Variants in TTC7A observed in about 807,000 individuals in gnomAD.
TTC7A encodes the protein tetratricopeptide repeat protein 7A.
In TTC7A, 110 loss-of-function variants were observed where a neutral mutation model predicts 103.7. The ratio of observed to expected loss-of-function variants is 1.06; its 90% CI spans 0.91 to 1.24. TTC7A has a LOEUF of 1.24. Among genes scored for constraint, TTC7A ranks in the 50% most tolerant of loss-of-function variants. The pLI is 0.00. For synonymous variants in TTC7A, 521 were observed against 467.9 expected, an observed-to-expected ratio of 1.11 and a Z score of -1.47; for missense variants, 1,340 against 1,116.3, an observed-to-expected ratio of 1.20 and a Z score of -2.86.
intron 2 of TTC7A, among the ~76,000 whole-genome samples, chr2:46,925,431 G>A (rs764952689): frequency 2.0e-5 from 3 of 152,210 alleles, no homozygotes; most frequent in East Asian, 3.9e-4. Flanking sequence ...GGTGGTGGGC[G>A]CTTGTAATCC....
At chr2:47,001,298 C>A (rs1175613828) in intron 8 of TTC7A, among the ~76,000 whole-genome samples, 1 of 152,156 alleles carries the variant, frequency 6.6e-6, no homozygotes. Context: ...CAGGACTAGT[C>A]TTGTATCTTA....
At chr2:47,036,373 G>C (rs1681108703) in intron 15 of TTC7A, among the ~76,000 whole-genome samples, 2 of 152,224 alleles carry the variant, frequency 1.3e-5, no homozygotes, top group Non-Finnish European at 2.9e-5. Flanking sequence ...AAGAGGTGGA[G>C]GATCATCATG....
intron 14 of TTC7A, among the ~76,000 whole-genome samples, chr2:47,025,797 C>A (rs1457848995): frequency 6.6e-6 from 1 of 152,206 alleles, no homozygotes; most frequent in Non-Finnish European, 1.5e-5. Context: ...CACCTCTAGG[C>A]TGCGCCCCCA....
intron 2 of TTC7A, among the ~76,000 whole-genome samples, chr2:46,928,536 G>A (rs12472148): frequency 1.3e-5 from 2 of 150,530 alleles, no homozygotes; most frequent in Non-Finnish European, 2.9e-5. Flanking sequence ...GTGGGAAGCC[G>A]AGACAGGTGG....
intron 14 of TTC7A, among the ~76,000 whole-genome samples, chr2:47,025,801 G>A (rs745982898): frequency 1.1e-4 from 16 of 151,442 alleles, no homozygotes; most frequent in Non-Finnish European, 2.4e-4. Context: ...TCTAGGCTGC[G>A]CCCCCACCCT....
At chr2:47,005,810 G>A in intron 8 of TTC7A, 112 bp from the exon 9 acceptor site, 1 of 1,202,252 alleles carries the variant, frequency 8.3e-7, no homozygotes, top group African/African-American at 1.5e-5. Context: ...TCTGGCTTGG[G>A]GCAGTGGCAA....
At chr2:47,009,886 G>GTTT (rs34401578) in intron 10 of TTC7A, among the ~76,000 whole-genome samples, 17 of 93,508 alleles carry the variant, frequency 1.8e-4, no homozygotes, top group African/African-American at 6.5e-4. Context: ...GTGTGTGTGT[G>GTTT]TTTTTTTTTT....
intron 14 of TTC7A, among the ~76,000 whole-genome samples, chr2:47,028,568 G>A (rs563129028): frequency 2.5e-4 from 38 of 152,264 alleles, no homozygotes; most frequent in African/African-American, 9.1e-4. Flanking sequence ...GTGACCTCTG[G>A]TCTCCCCACC....
chr2:46,941,389 C>T lies in TTC7A; in HGVS notation c.-153C>T, dbSNP rs1670354577. The T allele has an allele frequency of 1.5e-5, 9 of 594,882 alleles. No homozygotes were observed. The highest frequency in any genetic ancestry group is 2.0e-5 in the African/African-American group (1 of 50,528). 36.9% of individuals were successfully genotyped at this position (594,882 alleles called of 1,614,324 possible). A position where few individuals can be genotyped will look rare whatever the true frequency, so the allele number is the denominator to read the frequency against. The stretch of plus-strand genomic sequence containing the variant: ...GTGCTGCTGCTGCTGCTGCTGCCCA[C>T]CCTCCGCCGCCCGGGCCCCCGCTGC... On this transcript the variant is annotated 5_prime_UTR_variant, in exon 1 of 20. Coordinates refer to ENST00000319190, the MANE Select transcript of TTC7A (RefSeq NM_020458.4). The surrounding 1 kb of genome is among the most constrained non-coding windows in gnomAD (Gnocchi z 4.2).
chr2:47,008,992 G>C (rs1338696449), intron 10 of TTC7A, among the ~76,000 whole-genome samples: 2 of 152,052 alleles, frequency 1.3e-5, no homozygotes, highest in East Asian at 3.9e-4. Flanking sequence ...GGGGTGGGGT[G>C]GAACGGGGTG....
intron 11 of TTC7A, among the ~76,000 whole-genome samples, chr2:47,016,413 G>A (rs1378411261): frequency 5.3e-5 from 8 of 152,198 alleles, no homozygotes; most frequent in Non-Finnish European, 1.2e-4. Flanking sequence ...TGCCCTCAGC[G>A]CCTTCTGCTG....
At chr2:47,046,633 C>A (rs991703803) in intron 16 of TTC7A, among the ~76,000 whole-genome samples, 4 of 152,188 alleles carry the variant, frequency 2.6e-5, no homozygotes, top group Non-Finnish European at 4.4e-5. Context: ...TACATAGAGA[C>A]CCTACGTAGG....
chr2:47,000,661 C>A (rs1033856220), intron 8 of TTC7A, among the ~76,000 whole-genome samples: 2 of 152,132 alleles, frequency 1.3e-5, no homozygotes, highest in African/African-American at 4.8e-5. Flanking sequence ...TGACAGTGTC[C>A]TCCAGGGAGG....
At chr2:46,944,517 G>T (rs1040391035) in intron 1 of TTC7A, among the ~76,000 whole-genome samples, 29 of 151,436 alleles carry the variant, frequency 1.9e-4, no homozygotes, top group African/African-American at 7.0e-4. Context: ...CTAGAAGGAA[G>T]GGCAGACTGG....
At chr2:47,013,818 C>G (rs569947402) in intron 11 of TTC7A, among the ~76,000 whole-genome samples, 1 of 152,170 alleles carries the variant, frequency 6.6e-6, no homozygotes, top group Non-Finnish European at 1.5e-5. Flanking sequence ...TCATCAGAAT[C>G]GAGGAGAAGG....
intron 9 of TTC7A, among the ~76,000 whole-genome samples, 175 bp from the exon 10 acceptor site, chr2:47,006,466 A>G (rs551579443): frequency 1.4e-4 from 22 of 152,328 alleles, no homozygotes; most frequent in African/African-American, 5.3e-4. Context: ...GTAGGGTCAC[A>G]CAGCAAGCCA....
chr2:46,949,646 G>A (rs758540539), intron 1 of TTC7A, among the ~76,000 whole-genome samples: 36 of 152,324 alleles, frequency 2.4e-4, no homozygotes, highest in Non-Finnish European at 1.9e-4. Flanking sequence ...TATTCAACAT[G>A]TTCGAGGATT....
intron 18 of TTC7A, among the ~76,000 whole-genome samples, chr2:47,059,257 G>A (rs902463787): frequency 5.3e-5 from 8 of 151,808 alleles, no homozygotes; most frequent in East Asian, 3.9e-4. Flanking sequence ...TCCTGACCTC[G>A]TGATCTACCC....
At chr2:47,016,772 C>G (rs1678700551) in intron 11 of TTC7A, among the ~76,000 whole-genome samples, 1 of 152,230 alleles carries the variant, frequency 6.6e-6, no homozygotes, top group South Asian at 2.1e-4. Flanking sequence ...ACATGAGGTG[C>G]TAGGCAGGGA....
Sources: gnomAD v4.1 joint callset for allele counts (sites outside exome capture counted in the v4.1 genomes callset) on GRCh38, gnomAD v4.1.1 for gene constraint, Gnocchi (gnomAD v3.1) non-coding constraint, MANE v1.5 for transcripts, NCBI Gene and HGNC (gene_info 2026-07-23, HGNC 2026-07-21) for gene names.